CEP89: variants seen among roughly 807,000 people sequenced by gnomAD.
The protein encoded by CEP89 is centrosomal protein of 89 kDa.
In CEP89, 95 loss-of-function variants were observed where a neutral mutation model predicts 97.6. The observed-to-expected ratio is 0.97, with a 90% CI of 0.82 to 1.15. The LOEUF is 1.15. Ranked by LOEUF, CEP89 falls within the 50% of genes most tolerant of loss-of-function variation. The probability of loss-of-function intolerance (pLI) is 0.00; values close to 1 mark genes in which losing one functional copy is unlikely to be tolerated. For missense variants in CEP89, 869 were observed against 947.7 expected, an observed-to-expected ratio of 0.92 and a Z score of 1.09; for synonymous variants, 354 against 349.1, an observed-to-expected ratio of 1.01 and a Z score of -0.16.
At chr19:32,943,041 C>G (rs191549404) in intron 5 of CEP89, among the ~76,000 whole-genome samples, 3 of 152,262 alleles carry the variant, frequency 2.0e-5, no homozygotes, top group Non-Finnish European at 4.4e-5. Flanking sequence ...CCTGCCTCAG[C>G]CTCCAGCTGC....
intron 2 of CEP89, 76 bp from the exon 3 acceptor site, chr19:32,960,134 C>T: frequency 6.7e-7 from 1 of 1,498,784 alleles, no homozygotes. Flanking sequence ...TACATAAACT[C>T]ATCAAGGCTT....
intron 14 of CEP89, among the ~76,000 whole-genome samples, chr19:32,902,990 A>C (rs1969813758): frequency 6.6e-6 from 1 of 152,142 alleles, no homozygotes. Flanking sequence ...AGTGGGGCTA[A>C]CTTAGCCCTA....
At chr19:32,919,257 T>A (rs923660714) in intron 12 of CEP89, among the ~76,000 whole-genome samples, 9 of 152,242 alleles carry the variant, frequency 5.9e-5, no homozygotes, top group African/African-American at 2.2e-4. Context: ...CTCCTTCCAG[T>A]GCAATGTAAA....
chr19:32,915,636 T>C, intron 13 of CEP89, 119 bp from the exon 14 acceptor site: 3 of 959,734 alleles, frequency 3.1e-6, no homozygotes. Flanking sequence ...TAAAGATCTT[T>C]TGAGCCAGAC....
intron 4 of CEP89, among the ~76,000 whole-genome samples, chr19:32,952,666 G>A (rs1204950584): frequency 1.3e-5 from 2 of 151,934 alleles, no homozygotes; most frequent in African/African-American, 4.8e-5. Flanking sequence ...TACTTTGAAA[G>A]GCTGAGGCAG....
chr19:32,963,264 G>A (rs1006306126), intron 2 of CEP89, among the ~76,000 whole-genome samples: 2 of 152,132 alleles, frequency 1.3e-5, no homozygotes, highest in South Asian at 4.1e-4. Flanking sequence ...GCTGAAGCAT[G>A]AGAATCGCTT....
chr19:32,957,856 C>G (rs1002073535), intron 3 of CEP89, among the ~76,000 whole-genome samples: 3 of 151,634 alleles, frequency 2.0e-5, no homozygotes, highest in African/African-American at 7.3e-5. Flanking sequence ...ATTAGCCAAG[C>G]ACGGTAGCAA....
intron 14 of CEP89, among the ~76,000 whole-genome samples, chr19:32,903,466 G>T (rs964088803): frequency 1.3e-5 from 2 of 152,138 alleles, no homozygotes; most frequent in African/African-American, 4.8e-5. Context: ...AGAAAAACAT[G>T]CTCCTACATT....
chr19:32,935,609 G>A (rs1279493784), intron 7 of CEP89, among the ~76,000 whole-genome samples: 1 of 152,208 alleles, frequency 6.6e-6, no homozygotes, highest in Non-Finnish European at 1.5e-5. Context: ...AGATTGAAAG[G>A]GTGCAAATAA....
At chr19:32,968,158 A>C (rs897540013) in intron 1 of CEP89, among the ~76,000 whole-genome samples, 1 of 152,136 alleles carries the variant, frequency 6.6e-6, no homozygotes, top group Admixed American at 6.6e-5. Context: ...TCTGTGTGGC[A>C]CCTGCCACCC....
chr19:32,901,350 G>C lies in CEP89; in HGVS notation c.1628C>G (p.Thr543Arg), dbSNP rs1223506847. Reference sequence around the variant, plus strand: ...GCTCTTCTTCTGCGCTTGCAGGACTGTCAGCTTCTCCATCAACTCCTCCAT... The same window carrying C: ...GCTCTTCTTCTGCGCTTGCAGGACTCTCAGCTTCTCCATCAACTCCTCCAT... Reference protein sequence around the residue: ...AEMEELMEKLTVLQAQKKSLL... With the variant: ...AEMEELMEKLRVLQAQKKSLL... Residue 543 changes from threonine to arginine, a missense_variant, in exon 15 of 19, where the codon ACA becomes AGA. Thr to Arg is a moderately conservative substitution (Grantham distance 71, BLOSUM62 -1). Transcript: ENST00000305768. 4 of 1,614,100 alleles carry C rather than the reference G, an allele frequency of 2.5e-6. No homozygotes were observed. The highest frequency in any genetic ancestry group is 3.4e-6 in the Non-Finnish European group (4 of 1,180,006).
chr19:32,894,913 C>T (rs914466107), intron 16 of CEP89, among the ~76,000 whole-genome samples: 6 of 152,118 alleles, frequency 3.9e-5, no homozygotes, highest in African/African-American at 1.4e-4. Context: ...GACAACACTA[C>T]CAAGATTGAA....
intron 16 of CEP89, among the ~76,000 whole-genome samples, chr19:32,899,131 A>ATTTCCT (rs377046778): frequency 0.46 from 65,638 of 143,068 alleles, 15,549 homozygotes; most frequent in South Asian, 0.53. Flanking sequence ...TTTAATTAGC[A>ATTTCCT]TTTTTTTTTT....
At chr19:32,962,566 T>C (rs949882096) in intron 2 of CEP89, among the ~76,000 whole-genome samples, 1 of 152,188 alleles carries the variant, frequency 6.6e-6, no homozygotes, top group African/African-American at 2.4e-5. Context: ...AGGTAAATAT[T>C]TCTTCAATAT....
chr19:32,905,087 C>T (rs1969861043), intron 14 of CEP89, among the ~76,000 whole-genome samples: 1 of 152,124 alleles, frequency 6.6e-6, no homozygotes, highest in African/African-American at 2.4e-5. Flanking sequence ...GTTTTTCATG[C>T]CACGTGTGTC....
chr19:32,943,651 T>G (rs1359087970), intron 5 of CEP89, among the ~76,000 whole-genome samples: 1 of 151,392 alleles, frequency 6.6e-6, no homozygotes, highest in Non-Finnish European at 1.5e-5. Context: ...ACCCCACAAC[T>G]CACCACGTTT....
Position 32,915,335 on chromosome 19 carries a change from AC to A in CEP89, c.1565+1del. On this transcript the variant is annotated splice_donor_variant, in intron 14 of 18. Coordinates refer to ENST00000305768, the MANE Select transcript of CEP89 (RefSeq NM_032816.5). LOFTEE classifies it high-confidence loss of function. ...AAAAAAGAAAAAACATTAAATCCTT[AC>A]CTTTTTAATTCATTCACAATTGATT... The A allele has an allele frequency of 6.3e-7, 1 of 1,580,306 alleles. No homozygotes were observed. The highest frequency in any genetic ancestry group is 8.6e-7 in the Non-Finnish European group (1 of 1,167,748).
intron 13 of CEP89, 152 bp from the exon 14 acceptor site, chr19:32,915,669 C>T (rs1970110759): frequency 5.7e-6 from 4 of 706,352 alleles, no homozygotes; most frequent in African/African-American, 1.9e-5. Flanking sequence ...ACCTGTAATC[C>T]CAGCACTTTG....
chr19:32,923,725 C>T (rs536293630), intron 11 of CEP89, among the ~76,000 whole-genome samples, 183 bp from the exon 12 acceptor site: 1 of 152,096 alleles, frequency 6.6e-6, no homozygotes, highest in African/African-American at 2.4e-5. Context: ...AGCTTACGGT[C>T]TAGTGAGAAA....
Sources: allele counts gnomAD v4.1 joint callset (sites outside exome capture counted in the v4.1 genomes callset), GRCh38; gene constraint gnomAD v4.1.1; transcripts MANE v1.5; gene names NCBI Gene and HGNC (gene_info 2026-07-23, HGNC 2026-07-21).